SCTR: variants seen among roughly 807,000 people sequenced by gnomAD.
SCTR encodes pancreatic secretin receptor.
A neutral mutation model predicts 60.8 loss-of-function variants in SCTR; 56 were observed. That is an observed-to-expected ratio of 0.92 (90% CI 0.74 to 1.15). The LOEUF (loss-of-function observed/expected upper bound fraction) is 1.15, where lower values mean the gene tolerates loss of function less well. Among genes scored for constraint, SCTR ranks in the 50% most tolerant of loss-of-function variants. SCTR has a pLI of 0.00. For synonymous variants in SCTR, 202 were observed against 217.0 expected, an observed-to-expected ratio of 0.93 and a Z score of 0.61; for missense variants, 562 against 550.4, an observed-to-expected ratio of 1.02 and a Z score of -0.21.
intron 4 of SCTR, among the ~76,000 whole-genome samples, chr2:119,471,543 G>A (rs949045410): frequency 5.3e-5 from 8 of 152,182 alleles, no homozygotes; most frequent in East Asian, 1.9e-4. Context: ...AGGCTGATGC[G>A]CTACAGAGAG....
intron 6 of SCTR, among the ~76,000 whole-genome samples, chr2:119,462,718 G>A (rs1011300246): frequency 5.3e-5 from 8 of 152,168 alleles, no homozygotes; most frequent in South Asian, 2.1e-4. Context: ...TGTCCCCTGG[G>A]GATGGGACAG....
chr2:119,450,726 T>C (rs993843272), intron 9 of SCTR, among the ~76,000 whole-genome samples: 3 of 152,146 alleles, frequency 2.0e-5, no homozygotes, highest in African/African-American at 7.2e-5. Flanking sequence ...TTTCAGCATT[T>C]TGGGAGGCTG....
At chr2:119,511,269 A>T (rs1273543109) in intron 1 of SCTR, among the ~76,000 whole-genome samples, 1 of 152,142 alleles carries the variant, frequency 6.6e-6, no homozygotes, top group Non-Finnish European at 1.5e-5. Flanking sequence ...TAAATTTGAG[A>T]CAGTCAAACT....
At chr2:119,508,336 T>C (rs1006252566) in intron 1 of SCTR, among the ~76,000 whole-genome samples, 2 of 151,768 alleles carry the variant, frequency 1.3e-5, no homozygotes, top group Non-Finnish European at 2.9e-5. Flanking sequence ...TATTCTCTTT[T>C]CTAAAAATTT....
rs116948780 is a variant in SCTR at position 119,459,805 on chromosome 2, G to C, written c.790+2042C>G. On this transcript the variant is annotated intron_variant, in intron 7 of 12. Transcript: ENST00000019103. The stretch of plus-strand genomic sequence containing the variant: ...TTTGTAATCCCTGAACACAGGAAGT[G>C]CTCAAAGAATGTTGAATAAATTATG... 1.4e-3 allele frequency among the ~76,000 whole-genome samples: 215 copies of C among 152,328 alleles called. 3 individuals carry two copies. In the East Asian group the frequency reaches 0.026, roughly 19 times the overall value.
At chr2:119,495,376 G>A (rs1678306526) in intron 1 of SCTR, 1 of 152,320 alleles carries the variant, frequency 6.6e-6, no homozygotes, top group African/African-American at 2.4e-5. Context: ...ACAGGAGAGT[G>A]GAGGAGGGAC....
At position 119,523,389 on chromosome 2, in the gene SCTR, CCGCTATTAT is replaced by C. The variant is rs1450894209; in HGVS notation, c.72+757_72+765del. 5.3e-4 allele frequency among the ~76,000 whole-genome samples: 75 copies of C among 141,260 alleles called. 1 individual carries two copies. The highest frequency in any genetic ancestry group is 1.8e-3 in the African/African-American group (69 of 37,992). The allele number at this position is 141,260 out of a possible 152,430, so 92.7% of individuals were successfully genotyped here. On this transcript the variant is annotated intron_variant, in intron 1 of 12. Coordinates refer to ENST00000019103, the MANE Select transcript of SCTR (RefSeq NM_002980.3). ...AAAGAAAAACAAACCACCCATCCTGCCGCTATTATTATTATTATTATTATTATTATTATT... is the reference window on the plus strand; with the variant it reads ...AAAGAAAAACAAACCACCCATCCTGCTATTATTATTATTATTATTATTATT...
chr2:119,481,711 A>G (rs1677613144), intron 2 of SCTR, among the ~76,000 whole-genome samples: 2 of 152,358 alleles, frequency 1.3e-5, no homozygotes, highest in South Asian at 2.1e-4. Context: ...CAGAGAGCCC[A>G]GGAGAGCACG....
chr2:119,511,497 T>C (rs2587668), intron 1 of SCTR, among the ~76,000 whole-genome samples: 2,580 of 152,322 alleles, frequency 0.017, 77 homozygotes, highest in African/African-American at 0.059. Context: ...CTGAGGTCTA[T>C]CATTATTGTT....
At chr2:119,440,390 A>G in intron 12 of SCTR, 133 bp from the exon 13 acceptor site, 1 of 974,444 alleles carries the variant, frequency 1.0e-6, no homozygotes, top group Non-Finnish European at 1.5e-6. Flanking sequence ...CCTGCAGGCC[A>G]CGCAGATTGA....
chr2:119,440,235 T>G lies in SCTR; in HGVS notation c.1205A>C (p.Lys402Thr), dbSNP rs768087012. The stretch of plus-strand genomic sequence containing the variant: ...CTCACGGAGGTGCCATTGCTGCCAC[T>G]TCTTCTGAACCTCCAGCTGCACCTG... ...NGEVQLEVQK[K>T]WQQWHLREFP... is the part of the protein sequence containing the mutation. Residue 402 changes from lysine to threonine, a missense_variant, in exon 13 of 13, where the codon AAG becomes ACG. Lys to Thr is a moderately conservative substitution (Grantham distance 78, BLOSUM62 -1). Coordinates refer to ENST00000019103, the MANE Select transcript of SCTR (RefSeq NM_002980.3). The G allele has an allele frequency of 1.1e-5, 18 of 1,613,946 alleles. No homozygotes were observed. Among genetic ancestry groups the G allele is most frequent in the Non-Finnish European group, 1.2e-5 (14 of 1,179,950 alleles).
intron 11 of SCTR, among the ~76,000 whole-genome samples, chr2:119,444,419 A>C: frequency 9.2e-6 from 1 of 108,970 alleles, no homozygotes; most frequent in Non-Finnish European, 1.9e-5. Context: ...ATATATACCC[A>C]TATACGTATG....
At chr2:119,523,392 C>CTAT (rs70947300) in intron 1 of SCTR, among the ~76,000 whole-genome samples, 24,651 of 134,072 alleles carry the variant, frequency 0.18, 2,370 homozygotes, top group East Asian at 0.25. Flanking sequence ...CATCCTGCCG[C>CTAT]TATTATTATT....
intron 1 of SCTR, among the ~76,000 whole-genome samples, chr2:119,505,480 A>G (rs1484111267): frequency 4.0e-5 from 6 of 151,450 alleles, no homozygotes; most frequent in Middle Eastern, 3.2e-3. Context: ...AATAAAAAAA[A>G]GAAAAAAAAA....
At chr2:119,478,718 G>A (rs746481604) in intron 3 of SCTR, 93 bp downstream of exon 3, 88 of 1,105,588 alleles carry the variant, frequency 8.0e-5, no homozygotes, top group Non-Finnish European at 1.2e-4. Context: ...TGTCCTCAGA[G>A]AAGGTTCCTT....
intron 2 of SCTR, chr2:119,480,886 CA>C: frequency 6.6e-6 from 1 of 152,508 alleles, no homozygotes; most frequent in Non-Finnish European, 1.5e-5. Flanking sequence ...GGGCAGAGCC[CA>C]AAAAGAAAGA....
intron 1 of SCTR, among the ~76,000 whole-genome samples, chr2:119,508,365 TTTC>T (rs781489427): frequency 7.7e-5 from 10 of 130,208 alleles, no homozygotes; most frequent in Middle Eastern, 3.9e-3. Flanking sequence ...TTTCTTTCTT[TTTC>T]TTCTTCTTCT....
chr2:119,489,122 C>T (rs931989527), intron 2 of SCTR, among the ~76,000 whole-genome samples: 2 of 152,128 alleles, frequency 1.3e-5, no homozygotes, highest in African/African-American at 2.4e-5. Context: ...CAGGCAGAGC[C>T]GGCTCACCAC....
intron 1 of SCTR, among the ~76,000 whole-genome samples, chr2:119,510,222 T>C (rs928644067): frequency 2.0e-5 from 3 of 151,762 alleles, no homozygotes; most frequent in African/African-American, 7.3e-5. Context: ...CTTATGGTTG[T>C]GAAGTGGAGC....
Sources: gnomAD v4.1 joint callset for allele counts (sites outside exome capture counted in the v4.1 genomes callset) on GRCh38, gnomAD v4.1.1 for gene constraint, MANE v1.5 for transcripts, NCBI Gene and HGNC (gene_info 2026-07-23, HGNC 2026-07-21) for gene names.